RBM22: variants seen among roughly 807,000 people sequenced by gnomAD.
RBM22 encodes the protein RNA binding motif protein 22.
A neutral mutation model predicts 50.1 loss-of-function variants in RBM22; 1 was observed. The ratio of observed to expected loss-of-function variants is 0.02; its 90% CI spans 0.01 to 0.09. The LOEUF (loss-of-function observed/expected upper bound fraction) is 0.09, where lower values mean the gene tolerates loss of function less well. Among genes scored for constraint, RBM22 ranks in the 10% least tolerant of loss-of-function variants. The pLI is 1.00. For synonymous variants in RBM22, 152 were observed against 179.0 expected, an observed-to-expected ratio of 0.85 and a Z score of 1.20; for missense variants, 264 against 529.3, an observed-to-expected ratio of 0.50 and a Z score of 4.92.
intron 1 of RBM22, 59 bp from the exon 2 acceptor site, chr5:150,700,556 G>T: frequency 6.2e-7 from 1 of 1,611,998 alleles, no homozygotes; most frequent in South Asian, 1.1e-5. Flanking sequence ...ACACCTCAGT[G>T]ACACTTGGGG....
chr5:150,696,863 T>C lies in RBM22; in HGVS notation c.300A>G (p.Gly100=). The change falls in exon 5 of 11, where the codon GGA becomes GGG. Residue 100 remains glycine, a synonymous_variant. Transcript: ENST00000199814. The surrounding 1 kb of genome is among the most constrained non-coding windows in gnomAD (Gnocchi z 4.3). ...TTGGCATGTCATCTTTAAAAGACAA[T>C]CCTGCGTCACGAACCTGGATGGGCA... ...YGLPIQVRDA[G]LSFKDDMPKS... is the part of the protein sequence containing the mutation. 1 of 1,614,138 alleles carries C rather than the reference T, an allele frequency of 6.2e-7. No homozygotes were observed. Among genetic ancestry groups the C allele is most frequent in the African/African-American group, 1.3e-5 (1 of 75,020 alleles).
rs1191020919 is a variant in RBM22, at chr5:150,693,265, A to G, written c.954T>C (p.Thr318=). 6.2e-7 allele frequency: 1 copy of G among 1,613,904 alleles called. No homozygotes were observed. Among genetic ancestry groups the G allele is most frequent in the Non-Finnish European group, 8.5e-7 (1 of 1,179,968 alleles). The change falls in exon 9 of 11, where the codon ACT becomes ACC. Residue 318 remains threonine, a synonymous_variant. Transcript: ENST00000199814. ...GTTCTAGTTTGATCCCAGAGTCTGT[A>G]GTTCCATCTTTCTCTTTTTCTTTTC... ...ARGKEKEKDG[T]TDSGIKLEPV...
chr5:150,699,286 A>C lies in RBM22; in HGVS notation c.109-15T>G, dbSNP rs1581548669. The C allele has an allele frequency of 6.4e-7, 1 of 1,565,052 alleles. No homozygotes were observed. Among genetic ancestry groups the C allele is most frequent in the East Asian group, 2.3e-5 (1 of 43,400 alleles). On this transcript the variant is annotated splice_polypyrimidine_tract_variant and intron_variant, in intron 2 of 10. Coordinates refer to ENST00000199814, the MANE Select transcript of RBM22 (RefSeq NM_018047.3). The stretch of plus-strand genomic sequence containing the variant: ...TTTTCTTTGGTCTATAATAGAAAAA[A>C]AATAGAAAAGAACTGGAGTTACAGA...
chr5:150,698,089 T>C (rs767698391), intron 4 of RBM22, among the ~76,000 whole-genome samples: 1 of 152,110 alleles, frequency 6.6e-6, no homozygotes, highest in Non-Finnish European at 1.5e-5. Context: ...ACCACTGTAC[T>C]CTAGCCTGGG....
rs769788325 is a variant in RBM22 at position 150,700,456 on chromosome 5, T to C, written c.96A>G (p.Pro32=). Residue 32 remains proline, a synonymous_variant, in exon 2 of 11, where the codon CCA becomes CCG. Coordinates refer to ENST00000199814, the MANE Select transcript of RBM22 (RefSeq NM_018047.3). Reference sequence around the variant, plus strand: ...CGCGATCACTCACCATTCGGATATATGGGTTTTCTCCAAGACATGTCTGGC... The same window carrying C: ...CGCGATCACTCACCATTCGGATATACGGGTTTTCTCCAAGACATGTCTGGC... ...ILCQTCLGEN[P]YIRMTKEKYG... is the part of the protein sequence containing the mutation. 1 of 1,613,438 alleles carries C rather than the reference T, an allele frequency of 6.2e-7. No individual in the cohort carries two copies.
At chr5:150,694,384 C>A in intron 7 of RBM22, 144 bp from the exon 8 acceptor site, 1 of 1,314,680 alleles carries the variant, frequency 7.6e-7, no homozygotes. Context: ...AGGTCTCCAC[C>A]CCATATCTTG....
intron 1 of RBM22, 67 bp from the exon 2 acceptor site, chr5:150,700,564 G>C: frequency 6.2e-7 from 1 of 1,609,366 alleles, no homozygotes; most frequent in Non-Finnish European, 8.5e-7. Context: ...GTGACACTTG[G>C]GGTGGCGAGG....
intron 10 of RBM22, 21 bp downstream of exon 10, chr5:150,692,874 A>T: frequency 6.3e-7 from 1 of 1,577,240 alleles, no homozygotes. Flanking sequence ...TCTCTGGGCT[A>T]AGAAGGAAGA....
chr5:150,693,400 C>G, intron 8 of RBM22, 93 bp from the exon 9 acceptor site: 1 of 935,562 alleles, frequency 1.1e-6, no homozygotes, highest in Non-Finnish European at 1.7e-6. Context: ...AGTTCCTTCG[C>G]TCTACCTCCT....
intron 4 of RBM22, among the ~76,000 whole-genome samples, chr5:150,698,113 C>A (rs916108561): frequency 3.3e-5 from 5 of 152,038 alleles, no homozygotes; most frequent in African/African-American, 9.7e-5. Context: ...CAGAGTGAGA[C>A]CCTAACTCAA....
At chr5:150,700,794 C>T (rs1235043529) in intron 1 of RBM22, 138 bp downstream of exon 1, 2 of 1,578,194 alleles carry the variant, frequency 1.3e-6, no homozygotes, top group Non-Finnish European at 1.7e-6. Flanking sequence ...CCTCCGCCCT[C>T]CTGCTCCGGC....
chr5:150,695,195 T>C, intron 7 of RBM22: 1 of 248,782 alleles, frequency 4.0e-6, no homozygotes, highest in South Asian at 5.8e-5. Flanking sequence ...CCCGGCTAAT[T>C]TTTTTGATTT....
At chr5:150,699,214 A>G (rs1204470525) in intron 3 of RBM22, 28 bp downstream of exon 3, 6 of 1,578,830 alleles carry the variant, frequency 3.8e-6, no homozygotes, top group South Asian at 2.4e-5. Flanking sequence ...TGAAACAGAA[A>G]TCATTACTCT....
rs758452442 is a variant in RBM22 at position 150,700,432 on chromosome 5, G to A, written c.108+12C>T. On this transcript the variant is annotated intron_variant, in intron 2 of 10. Transcript: ENST00000199814. Reference sequence around the variant, plus strand: ...AGGACATGAATAACTCGTTTCACACGCGATCACTCACCATTCGGATATATG... The same window carrying A: ...AGGACATGAATAACTCGTTTCACACACGATCACTCACCATTCGGATATATG... 3.7e-6 allele frequency: 6 copies of A among 1,603,526 alleles called. No individual in the cohort carries two copies. Among genetic ancestry groups the A allele is most frequent in the African/African-American group, 1.3e-5 (1 of 74,688 alleles).
intron 3 of RBM22, among the ~76,000 whole-genome samples, chr5:150,698,936 G>A (rs1759310044): frequency 6.6e-6 from 1 of 152,090 alleles, no homozygotes; most frequent in Non-Finnish European, 1.5e-5. Flanking sequence ...AATTTTTTGA[G>A]AAGCTTCTGA....
In RBM22 at chr5:150,692,885, TG is replaced by T. The variant is rs1759226764; in HGVS notation, c.1132+9del. 1 of 1,556,450 alleles carries T rather than the reference TG, an allele frequency of 6.4e-7. No individual in the cohort carries two copies. On this transcript the variant is annotated intron_variant, in intron 10 of 10. Coordinates refer to ENST00000199814, the MANE Select transcript of RBM22 (RefSeq NM_018047.3). ...GATTTCTCTGGGCTAAGAAGGAAGA[TG>T]GAAGTTACCTGGGGGTGGGGGTGGA...
intron 9 of RBM22, 84 bp downstream of exon 9, chr5:150,693,130 CAACAT>C: frequency 6.5e-7 from 1 of 1,541,828 alleles, no homozygotes; most frequent in Middle Eastern, 1.8e-4. Flanking sequence ...AGTAGAGCGG[CAACAT>C]GAACCAGACC....
At chr5:150,698,413 C>G in intron 4 of RBM22, 86 bp downstream of exon 4, 2 of 1,492,824 alleles carry the variant, frequency 1.3e-6, no homozygotes, top group Non-Finnish European at 1.8e-6. Flanking sequence ...AGAACCAGAG[C>G]TAGGGTGCGA....
rs140207471 is a variant in RBM22, at chr5:150,696,751, T to A, written c.372+40A>T. 3.0e-4 allele frequency: 486 copies of A among 1,613,744 alleles called. 1 individual carries two copies. In the African/African-American group the frequency reaches 6.1e-3, roughly 20 times the overall value. ...CAAAAGATAAATTATACAGACTGTG[T>A]CAATTCATTAGGATTTTTATCCAAA... On this transcript the variant is annotated intron_variant, in intron 5 of 10. Coordinates refer to ENST00000199814, the MANE Select transcript of RBM22 (RefSeq NM_018047.3). This position sits in a 1 kb window ranked among gnomAD's most constrained non-coding sequence, Gnocchi z 4.3.
Sources: allele counts gnomAD v4.1 joint callset (sites outside exome capture counted in the v4.1 genomes callset), GRCh38; gene constraint gnomAD v4.1.1; non-coding constraint Gnocchi (gnomAD v3.1); transcripts MANE v1.5; gene names NCBI Gene and HGNC (gene_info 2026-07-23, HGNC 2026-07-21).